Variants in HK1 observed in about 807,000 individuals in gnomAD.
HK1 encodes the protein hexokinase-1.
Under a neutral mutation model 91.6 loss-of-function variants are expected in HK1, and 28 were observed. The ratio of observed to expected loss-of-function variants is 0.31; its 90% CI spans 0.23 to 0.42. The LOEUF (loss-of-function observed/expected upper bound fraction) is 0.42. HK1 is among the 10% of genes least tolerant of loss of function. The probability of loss-of-function intolerance (pLI) is 1.00; values close to 1 mark genes in which losing one functional copy is unlikely to be tolerated. For synonymous variants in HK1, 430 were observed against 468.1 expected, an observed-to-expected ratio of 0.92 and a Z score of 1.05; for missense variants, 770 against 1,219.8, an observed-to-expected ratio of 0.63 and a Z score of 5.49.
At chr10:69,320,700 C>T (rs1846968420) in intron 1 of HK1, among the ~76,000 whole-genome samples, 1 of 151,936 alleles carries the variant, frequency 6.6e-6, no homozygotes, top group Non-Finnish European at 1.5e-5. Flanking sequence ...TGGGGGGTGC[C>T]TGGGTGACCT....
intron 2 of HK1, among the ~76,000 whole-genome samples, chr10:69,351,256 C>T (rs1356152304): frequency 6.6e-6 from 1 of 151,756 alleles, no homozygotes; most frequent in Non-Finnish European, 1.5e-5. Flanking sequence ...GCCTATAATC[C>T]CAGCACTTTG....
intron 1 of HK1, among the ~76,000 whole-genome samples, chr10:69,321,854 G>A (rs1441087634): frequency 3.9e-5 from 6 of 152,140 alleles, no homozygotes; most frequent in African/African-American, 1.4e-4. Flanking sequence ...TGAAGAGGGT[G>A]TACTGGCATT....
intron 17 of HK1, among the ~76,000 whole-genome samples, chr10:69,399,958 C>T (rs1840314901): frequency 6.6e-6 from 1 of 152,156 alleles, no homozygotes; most frequent in Non-Finnish European, 1.5e-5. Flanking sequence ...TTGCTCCATC[C>T]TCACCTCTGT....
In HK1 at chr10:69,380,151, T is replaced by C; in HGVS notation, c.1265+56T>C. ...CTGTACCCATTGTGGGTAGGGACCT[T>C]CTCCAGAGATCAGACTTTTGTACCC... On this transcript the variant is annotated intron_variant, in intron 9 of 17. Transcript: ENST00000359426. This position sits in a 1 kb window ranked among gnomAD's most constrained non-coding sequence, Gnocchi z 4.0. 7.2e-7 allele frequency: 1 copy of C among 1,384,918 alleles called. No homozygotes were observed. The highest frequency in any genetic ancestry group is 1.2e-5 in the South Asian group (1 of 85,982). 85.8% of individuals were successfully genotyped at this position (1,384,918 alleles called of 1,614,324 possible).
chr10:69,390,209 T>C (rs1839833271), intron 14 of HK1, among the ~76,000 whole-genome samples: 1 of 152,246 alleles, frequency 6.6e-6, no homozygotes, highest in African/African-American at 2.4e-5. Context: ...AAAAGGTTGT[T>C]TGGGGCCTGG....
intron 5 of HK1, among the ~76,000 whole-genome samples, chr10:69,309,112 T>C (rs1328085979): frequency 6.6e-6 from 1 of 152,078 alleles, no homozygotes; most frequent in Non-Finnish European, 1.5e-5. Context: ...GAGTTCGAGA[T>C]TGCAGTGAGC....
chr10:69,381,658 A>G (rs10998753), intron 9 of HK1, among the ~76,000 whole-genome samples: 20,805 of 151,616 alleles, frequency 0.14, 1,756 homozygotes, highest in Non-Finnish European at 0.18. Context: ...GGTTCCAGCA[A>G]TTCTCCTGCC....
intron 7 of HK1, among the ~76,000 whole-genome samples, chr10:69,371,124 G>C (rs1849979054): frequency 6.6e-6 from 1 of 152,188 alleles, no homozygotes; most frequent in Non-Finnish European, 1.5e-5. Flanking sequence ...CTGAATTAAT[G>C]GATTTTCATC....
chr10:69,325,785 C>T (rs1847326128), intron 1 of HK1, among the ~76,000 whole-genome samples: 2 of 151,288 alleles, frequency 1.3e-5, no homozygotes, highest in South Asian at 4.2e-4. Flanking sequence ...GATCTGCCCG[C>T]CTTGGCCTCC....
chr10:69,359,783 AGCATGTG>A, intron 2 of HK1, 107 bp from the exon 3 acceptor site: 1 of 972,860 alleles, frequency 1.0e-6, no homozygotes, highest in Admixed American at 1.7e-5. Flanking sequence ...GGCTGATAAC[AGCATGTG>A]GCAGGGGGAG....
At chr10:69,371,958 C>T (rs185060954) in intron 7 of HK1, among the ~76,000 whole-genome samples, 1 of 152,294 alleles carries the variant, frequency 6.6e-6, no homozygotes, top group African/African-American at 2.4e-5. Context: ...TGTTTTCACA[C>T]TGCCTATAAA....
intron 1 of HK1, among the ~76,000 whole-genome samples, chr10:69,331,835 T>G (rs962627678): frequency 2.0e-5 from 3 of 151,736 alleles, no homozygotes; most frequent in Non-Finnish European, 4.4e-5. Flanking sequence ...ATGATTGGAG[T>G]GCACTGCACT....
chr10:69,372,545 A>G (rs60028155), intron 7 of HK1, among the ~76,000 whole-genome samples: 6,120 of 152,216 alleles, frequency 0.04, 392 homozygotes, highest in African/African-American at 0.14. Flanking sequence ...TGGGAAAATT[A>G]TGGCCCTAGA....
At chr10:69,344,986 C>G (rs768712462) in intron 2 of HK1, among the ~76,000 whole-genome samples, 1 of 151,594 alleles carries the variant, frequency 6.6e-6, no homozygotes, top group Non-Finnish European at 1.5e-5. Flanking sequence ...TCCCTGCTCT[C>G]GAGGCTCTTA....
chr10:69,387,571 G>A (rs375593728), intron 13 of HK1, among the ~76,000 whole-genome samples: 20 of 152,152 alleles, frequency 1.3e-4, no homozygotes, highest in African/African-American at 4.1e-4. Context: ...TTAAATAGAG[G>A]TGGGGTCTTG....
intron 1 of HK1, chr10:69,278,429 T>C (rs1045026796): frequency 1.3e-5 from 2 of 152,212 alleles, no homozygotes; most frequent in African/African-American, 4.8e-5. Flanking sequence ...ATGGATCAAA[T>C]TGGAAATCCA....
chr10:69,316,109 G>A, upstream of HK1: 2 of 1,030,468 alleles, frequency 1.9e-6, no homozygotes, highest in Non-Finnish European at 1.5e-6. Context: ...GGCAGGGCAA[G>A]GAAGGGAATA....
At chr10:69,306,179 A>T (rs112862822) in intron 5 of HK1, among the ~76,000 whole-genome samples, 1 of 151,592 alleles carries the variant, frequency 6.6e-6, no homozygotes, top group South Asian at 2.1e-4. Flanking sequence ...ACAGTGAAAC[A>T]CCGTCTCTAC....
chr10:69,345,621 C>CTA (rs1288537676), intron 2 of HK1, among the ~76,000 whole-genome samples: 1 of 152,108 alleles, frequency 6.6e-6, no homozygotes, highest in East Asian at 1.9e-4. Flanking sequence ...GCTCAGAAGG[C>CTA]TACCTGATCC....
Sources: gnomAD v4.1 joint callset for allele counts (sites outside exome capture counted in the v4.1 genomes callset) on GRCh38, gnomAD v4.1.1 for gene constraint, Gnocchi (gnomAD v3.1) non-coding constraint, MANE v1.5 for transcripts, NCBI Gene and HGNC (gene_info 2026-07-23, HGNC 2026-07-21) for gene names.